The following SPINK5 variants were observed in gnomAD, a reference collection of about 807,000 sequenced individuals.
The protein encoded by SPINK5 is serine peptidase inhibitor Kazal type 5, also known as serine protease inhibitor Kazal-type 5.
SPINK5 carries 125 observed loss-of-function variants against 151.8 expected under a neutral mutation model. The ratio of observed to expected loss-of-function variants is 0.82; its 90% CI spans 0.71 to 0.96. SPINK5 has a LOEUF of 0.96. SPINK5 is among the 40% of genes least tolerant of loss of function. SPINK5 has a pLI of 0.00. For synonymous variants in SPINK5, 374 were observed against 395.3 expected (o/e 0.95, Z 0.64); for missense variants, 1,194 against 1,291.9 (o/e 0.92, Z 1.16).
Position 148,124,553 on chromosome 5 carries a change from G to T in SPINK5, c.2667-212G>T, listed in dbSNP as rs141925635. Among the ~76,000 whole-genome samples, 463 of 152,206 alleles carry T rather than the reference G, an allele frequency of 3.0e-3. 3 individuals are homozygous for T. Among genetic ancestry groups the T allele is most frequent in the African/African-American group, 0.011 (452 of 41,536 alleles). On this transcript the variant is annotated intron_variant, in intron 27 of 32. Coordinates refer to ENST00000256084, the MANE Select transcript of SPINK5 (RefSeq NM_006846.4). ...ATAAGAGTATAGTAACAGCATCTATGAAAGTTGATAGCATTGCCACAAATA... is the reference window on the plus strand; with the variant it reads ...ATAAGAGTATAGTAACAGCATCTATTAAAGTTGATAGCATTGCCACAAATA...
At chr5:148,096,840 C>T (rs1311375795) in intron 10 of SPINK5, among the ~76,000 whole-genome samples, 1 of 150,162 alleles carries the variant, frequency 6.7e-6, no homozygotes, top group Non-Finnish European at 1.5e-5. Context: ...CTCACTGCAG[C>T]CTTGACTTCC....
In SPINK5 at chr5:148,065,555, A is replaced by G. The variant is rs2161435; in HGVS notation, c.81+183A>G. The G allele has an allele frequency of 1.6e-3, 853 of 525,936 alleles. 15 individuals carry two copies. The highest frequency in any genetic ancestry group is 3.3e-3 in the Admixed American group (100 of 30,394). The allele number at this position is 525,936 out of a possible 1,614,324, so 32.6% of individuals were successfully genotyped here. Reference sequence around the variant, plus strand: ...ACATGAGCCTCTCTCTCACACACACACACACACACACACACACTCAACATA... The same window carrying G: ...ACATGAGCCTCTCTCTCACACACACGCACACACACACACACACTCAACATA... On this transcript the variant is annotated intron_variant, in intron 2 of 32. Coordinates refer to ENST00000256084, the MANE Select transcript of SPINK5 (RefSeq NM_006846.4).
At chr5:148,077,392 TAAAAC>T (rs1400667872) in intron 4 of SPINK5, among the ~76,000 whole-genome samples, 9 of 151,034 alleles carry the variant, frequency 6.0e-5, no homozygotes, top group Middle Eastern at 6.8e-3. Context: ...CTACAAAAAT[TAAAAC>T]AAAATAAAGA....
intron 4 of SPINK5, among the ~76,000 whole-genome samples, chr5:148,084,957 A>C (rs1753114193): frequency 6.6e-6 from 1 of 151,784 alleles, no homozygotes; most frequent in African/African-American, 2.4e-5. Flanking sequence ...GCTCCTTAGA[A>C]TATGTATTCC....
At chr5:148,092,123 G>A (rs1367960403) in intron 8 of SPINK5, among the ~76,000 whole-genome samples, 1 of 151,866 alleles carries the variant, frequency 6.6e-6, no homozygotes, top group East Asian at 1.9e-4. Context: ...CTGTTGGACT[G>A]TGATTCTACA....
At position 148,136,995 on chromosome 5, in the gene SPINK5, G is replaced by T. The variant is rs373826670; in HGVS notation, c.*4G>T. The T allele has an allele frequency of 1.9e-6, 3 of 1,613,150 alleles. No homozygotes were observed. The African/African-American group carries it at 4.0e-5, about 22-fold the overall frequency. On this transcript the variant is annotated 3_prime_UTR_variant, in exon 33 of 33. Transcript: ENST00000256084. ...TCTTCTCTTCTAGGACGAATGACAG[G>T]AAGATTGTTGAAAGCCATGAGGGAA...
chr5:148,104,994 T>G lies in SPINK5; in HGVS notation c.1473T>G (p.Ala491=), dbSNP rs780221447. 7.4e-6 allele frequency: 12 copies of G among 1,613,988 alleles called. No homozygotes were observed. The East Asian group carries it at 2.7e-4, about 36-fold the overall frequency. ...ERARAKAKRE[A]AKEICSEFRD... ...CAAGAGCAAAGGCTAAAAGAGAAGC[T>G]GCAAAGGTAATATTCTCAGGAATGC... The change falls in exon 16 of 33, where the codon GCT becomes GCG. Residue 491 remains alanine, a synonymous_variant. Coordinates refer to ENST00000256084, the MANE Select transcript of SPINK5 (RefSeq NM_006846.4).
At chr5:148,066,921 C>G (rs1581045596) in intron 2 of SPINK5, among the ~76,000 whole-genome samples, 1 of 152,210 alleles carries the variant, frequency 6.6e-6, no homozygotes, top group Non-Finnish European at 1.5e-5. Context: ...TATTTGGAAG[C>G]CTTTCTAATC....
At chr5:148,094,239 G>C (rs1753392695) in intron 8 of SPINK5, 115 bp from the exon 9 acceptor site, 1 of 1,173,282 alleles carries the variant, frequency 8.5e-7, no homozygotes, top group Non-Finnish European at 1.2e-6. Context: ...AGGCTTCACT[G>C]AGCTATGATC....
rs1001006227 is a variant in SPINK5, at chr5:148,088,677, T to C, written c.474+72T>C. ...CAAATAGTAAGTAGGTGCTCTCCTC[T>C]TCCTTCTTAGGTGGGAGCCTTGGAA... On this transcript the variant is annotated intron_variant, in intron 6 of 32. Coordinates refer to ENST00000256084, the MANE Select transcript of SPINK5 (RefSeq NM_006846.4). 3 of 1,441,498 alleles carry C rather than the reference T, an allele frequency of 2.1e-6. No individual in the cohort carries two copies. The African/African-American group carries it at 4.2e-5, about 20-fold the overall frequency. The allele number at this position is 1,441,498 out of a possible 1,614,324, so 89.3% of individuals were successfully genotyped here.
intron 4 of SPINK5, among the ~76,000 whole-genome samples, chr5:148,076,467 T>C (rs1752883908): frequency 1.3e-5 from 2 of 151,898 alleles, no homozygotes; most frequent in Non-Finnish European, 2.9e-5. Context: ...ATCTAAAATG[T>C]TGTTTTTATA....
chr5:148,131,512 G>A, intron 31 of SPINK5, 123 bp downstream of exon 31: 2 of 1,409,476 alleles, frequency 1.4e-6, no homozygotes, highest in Non-Finnish European at 2.0e-6. Context: ...CATCATAGAA[G>A]TTAAAAATTC....
intron 6 of SPINK5, chr5:148,088,899 C>T (rs1026204925): frequency 8.7e-5 from 40 of 461,168 alleles, no homozygotes; most frequent in Non-Finnish European, 1.5e-4. Context: ...GGGCACAACA[C>T]TTCAGTCACT....
intron 20 of SPINK5, among the ~76,000 whole-genome samples, chr5:148,113,489 A>G (rs945210211): frequency 6.6e-6 from 1 of 152,140 alleles, no homozygotes; most frequent in Non-Finnish European, 1.5e-5. Context: ...TGGTCAACAC[A>G]TGTGTTCCTT....
At chr5:148,127,221 A>C in intron 30 of SPINK5, 142 bp downstream of exon 30, 1 of 663,680 alleles carries the variant, frequency 1.5e-6, no homozygotes, top group Non-Finnish European at 2.6e-6. Context: ...GACTATATGC[A>C]GTTTATGCTT....
chr5:148,093,749 G>A (rs549594509), intron 8 of SPINK5, among the ~76,000 whole-genome samples: 55 of 151,468 alleles, frequency 3.6e-4, no homozygotes, highest in African/African-American at 1.3e-3. Flanking sequence ...TGATCTGAAA[G>A]TTAAAAAGAA....
rs1004978122 is a variant in SPINK5 at position 148,131,305 on chromosome 5, A to C, written c.3011A>C (p.Tyr1004Ser). The change falls in exon 31 of 33, where the codon TAT (tyrosine) becomes TCT (serine). Residue 1004 changes from tyrosine to serine, a missense_variant. Coordinates refer to ENST00000256084, the MANE Select transcript of SPINK5 (RefSeq NM_006846.4). ...KDYRVLPRIG[Y>S]LCPKDLKPVC... ...TACCGAGTATTGCCCAGGATAGGTT[A>C]TCTTTGTCCAAAGGATTTAAAGCCT... 6.2e-7 allele frequency: 1 copy of C among 1,613,862 alleles called. No individual in the cohort carries two copies. Among genetic ancestry groups the C allele is most frequent in the East Asian group, 2.2e-5 (1 of 44,874 alleles).
rs945971897 is a variant in SPINK5 at position 148,080,772 on chromosome 5, A to G, written c.283-5633A>G. Among the ~76,000 whole-genome samples the G allele has an allele frequency of 7.3e-5, 11 of 151,672 alleles. No individual in the cohort carries two copies. The East Asian group carries it at 1.9e-3, about 27-fold the overall frequency. On this transcript the variant is annotated intron_variant, in intron 4 of 32. Coordinates refer to ENST00000256084, the MANE Select transcript of SPINK5 (RefSeq NM_006846.4). ...AGACATAAAACTAAAAGCGTAATCC[A>G]TGAATACAAAATTAATAAACTGAAA...
At chr5:148,105,144 G>C (rs1016539032) in intron 16 of SPINK5, 144 bp downstream of exon 16, 9 of 910,052 alleles carry the variant, frequency 9.9e-6, no homozygotes, top group African/African-American at 3.4e-5. Flanking sequence ...GAACAAAAAG[G>C]GTCCTGATAA....
Sources: allele counts gnomAD v4.1 joint callset (sites outside exome capture counted in the v4.1 genomes callset), GRCh38; gene constraint gnomAD v4.1.1; transcripts MANE v1.5; gene names NCBI Gene and HGNC (gene_info 2026-07-23, HGNC 2026-07-21).